TOR1AIP2: variants seen among roughly 807,000 people sequenced by gnomAD.
TOR1AIP2 encodes torsin 1A interacting protein 2.
Under a neutral mutation model 32.6 loss-of-function variants are expected in TOR1AIP2, and 20 were observed. The observed-to-expected ratio is 0.61, with a 90% CI of 0.43 to 0.89. TOR1AIP2 has a LOEUF of 0.89. TOR1AIP2 is among the 40% of genes least tolerant of loss of function. TOR1AIP2 has a pLI of 0.00. For synonymous variants in TOR1AIP2, 214 were observed against 210.8 expected (o/e 1.02, Z -0.13); for missense variants, 456 against 553.8 (o/e 0.82, Z 1.77).
intron 2 of TOR1AIP2, among the ~76,000 whole-genome samples, chr1:179,870,192 G>A (rs998536237): frequency 9.9e-5 from 15 of 151,990 alleles, no homozygotes; most frequent in African/African-American, 3.6e-4. Flanking sequence ...GTCAGGAGAT[G>A]GAGACCATCC....
intron 3 of TOR1AIP2, chr1:179,863,246 A>G (rs1447547019): frequency 1.0e-6 from 1 of 983,072 alleles, no homozygotes; most frequent in Non-Finnish European, 1.2e-6. Flanking sequence ...AAAAAAAAAA[A>G]AGCCCTGATT....
At chr1:179,852,527 T>A in intron 4 of TOR1AIP2, 105 bp downstream of exon 4, 1 of 1,244,110 alleles carries the variant, frequency 8.0e-7, no homozygotes, top group South Asian at 1.2e-5. Flanking sequence ...CTGAATTAGC[T>A]TTTTTACTTC....
At chr1:179,859,890 C>G (rs1696452496) in intron 3 of TOR1AIP2, 1 of 933,116 alleles carries the variant, frequency 1.1e-6, no homozygotes, top group Non-Finnish European at 1.3e-6. Context: ...GGCAGTAGTA[C>G]CATCATAGCT....
chr1:179,847,713 A>C, intron 5 of TOR1AIP2, 77 bp from the exon 6 acceptor site: 1 of 997,528 alleles, frequency 1.0e-6, no homozygotes, highest in Non-Finnish European at 1.6e-6. Flanking sequence ...TCTCTCACCA[A>C]ACCAAAGAAT....
chr1:179,864,937 C>T, intron 3 of TOR1AIP2: 1 of 1,614,022 alleles, frequency 6.2e-7, no homozygotes, highest in Non-Finnish European at 8.5e-7. Flanking sequence ...TCTCAAAGGT[C>T]CATCTGGTGA....
In TOR1AIP2 at chr1:179,841,280, T is replaced by C. The variant is rs757031993; in HGVS notation, c.*4791A>G. The C allele has an allele frequency of 1.3e-5, 2 of 152,166 alleles. No individual in the cohort carries two copies. Among genetic ancestry groups the C allele is most frequent in the Non-Finnish European group, 2.9e-5 (2 of 68,014 alleles). The allele number at this position is 152,166 out of a possible 1,614,324, so 9.4% of individuals were successfully genotyped here. ...AACAAATACATTTTAAAATGAAATA[T>C]GCTCAGGCTGATAAACAAACAAGAT... On this transcript the variant is annotated 3_prime_UTR_variant, in exon 7 of 7. Transcript: ENST00000609928.
intron 5 of TOR1AIP2, among the ~76,000 whole-genome samples, chr1:179,850,489 T>TA: frequency 6.6e-6 from 1 of 152,386 alleles, no homozygotes; most frequent in East Asian, 1.9e-4. Flanking sequence ...TAAAAGATTT[T>TA]AAAAATTGTA....
rs771553209 is a variant in TOR1AIP2, at chr1:179,846,426, T to C, written c.1058A>G (p.Tyr353Cys). 24 of 1,614,042 alleles carry C rather than the reference T, an allele frequency of 1.5e-5. No individual in the cohort carries two copies. The highest frequency in any genetic ancestry group is 1.9e-5 in the Non-Finnish European group (22 of 1,180,046). ...VKLLVDLELS[Y>C]GFENGQKAAV... ...AGCCTTCTGGCCATTCTCAAACCCA[T>C]AGCTCAGCTCCAGGTCAACCAACAG... Residue 353 changes from tyrosine to cysteine, a missense_variant, in exon 7 of 7, where the codon TAT (tyrosine) becomes TGT (cysteine). Physicochemically the swap from Tyr to Cys is radical, Grantham distance 194 (BLOSUM62 -2). Coordinates refer to ENST00000609928, the MANE Select transcript of TOR1AIP2 (RefSeq NM_001199260.2).
intron 6 of TOR1AIP2, among the ~76,000 whole-genome samples, chr1:179,847,073 G>C (rs1279887373): frequency 6.6e-6 from 1 of 152,020 alleles, no homozygotes; most frequent in African/African-American, 2.4e-5. Flanking sequence ...TTAAGTACTC[G>C]GTAAAAAATT....
At chr1:179,850,462 T>G (rs1197024289) in intron 5 of TOR1AIP2, among the ~76,000 whole-genome samples, 1 of 152,238 alleles carries the variant, frequency 6.6e-6, no homozygotes, top group Non-Finnish European at 1.5e-5. Flanking sequence ...TTATGTAACA[T>G]TTAGTTTCCC....
At chr1:179,863,741 A>G in intron 3 of TOR1AIP2, 8 of 984,618 alleles carry the variant, frequency 8.1e-6, no homozygotes, top group Non-Finnish European at 9.6e-6. Context: ...TGGGACCTTG[A>G]TAATATTGAT....
chr1:179,860,887 T>C, intron 3 of TOR1AIP2: 1 of 985,472 alleles, frequency 1.0e-6, no homozygotes, highest in Non-Finnish European at 1.2e-6. Flanking sequence ...AGCTATGACA[T>C]GTGGACTGCC....
intron 2 of TOR1AIP2, among the ~76,000 whole-genome samples, chr1:179,872,515 T>C (rs537025705): frequency 6.6e-6 from 1 of 152,356 alleles, no homozygotes; most frequent in African/African-American, 2.4e-5. Flanking sequence ...GTATTTTCAC[T>C]AACTGGTGAC....
chr1:179,842,849 C>G lies in TOR1AIP2; in HGVS notation c.*3222G>C, dbSNP rs1044525802. On this transcript the variant is annotated 3_prime_UTR_variant, in exon 7 of 7. Transcript: ENST00000609928. ...CACGAGGTCAGGAGATCGAGACCAT[C>G]CTGGCTAACACGGTGAAACCCTGTC... The G allele has an allele frequency of 6.6e-6, 1 of 151,946 alleles. No homozygotes were observed. Among genetic ancestry groups the G allele is most frequent in the Non-Finnish European group, 1.5e-5 (1 of 68,016 alleles). The allele number at this position is 151,946 out of a possible 1,614,324, so 9.4% of individuals were successfully genotyped here.
At chr1:179,873,408 A>AT (rs1697084049) in intron 2 of TOR1AIP2, among the ~76,000 whole-genome samples, 1 of 152,166 alleles carries the variant, frequency 6.6e-6, no homozygotes, top group Non-Finnish European at 1.5e-5. Context: ...AAGATTATGC[A>AT]TTTTTGGCAA....
chr1:179,865,168 T>A (rs1266629192), intron 3 of TOR1AIP2: 1 of 1,601,800 alleles, frequency 6.2e-7, no homozygotes, highest in Non-Finnish European at 8.5e-7. Flanking sequence ...GTGAATTATC[T>A]GAAAACATCT....
At chr1:179,855,592 T>G (rs1417580468) in intron 3 of TOR1AIP2, among the ~76,000 whole-genome samples, 2 of 152,166 alleles carry the variant, frequency 1.3e-5, no homozygotes, top group Non-Finnish European at 2.9e-5. Context: ...AAACCCCTAA[T>G]GGCAATGAAG....
At chr1:179,863,624 T>G (rs1010647455) in intron 3 of TOR1AIP2, 81 of 976,742 alleles carry the variant, frequency 8.3e-5, no homozygotes, top group Non-Finnish European at 9.5e-5. Flanking sequence ...AGCCTAGGAG[T>G]TGGAGACCAG....
chr1:179,860,956 C>T (rs1696505623), intron 3 of TOR1AIP2: 6 of 985,556 alleles, frequency 6.1e-6, no homozygotes, highest in Non-Finnish European at 7.2e-6. Flanking sequence ...GGGCTTCCTT[C>T]ACCTGTAACT....
Sources: allele counts gnomAD v4.1 joint callset (sites outside exome capture counted in the v4.1 genomes callset), GRCh38; gene constraint gnomAD v4.1.1; transcripts MANE v1.5; gene names NCBI Gene and HGNC (gene_info 2026-07-23, HGNC 2026-07-21).